The following MDFI variants were observed in gnomAD, a reference collection of about 807,000 sequenced individuals.
MDFI encodes inhibitor of MyoD family a.
A neutral mutation model predicts 22.3 loss-of-function variants in MDFI; 16 were observed. That is an observed-to-expected ratio of 0.72 (90% CI 0.49 to 1.09). MDFI has a LOEUF of 1.09. Ranked by LOEUF, MDFI falls within the 50% of genes least tolerant of loss-of-function variation. The pLI, the probability that MDFI is intolerant of heterozygous loss-of-function variation, is 0.00. For synonymous variants in MDFI, 145 were observed against 142.7 expected (o/e 1.02, Z -0.12); for missense variants, 314 against 326.1 (o/e 0.96, Z 0.29).
Position 41,652,040 on chromosome 6 carries a change from G to T in MDFI, c.485-1279G>T, listed in dbSNP as rs548707486. 3.9e-5 allele frequency among the ~76,000 whole-genome samples: 6 copies of T among 152,378 alleles called. 1 individual carries two copies. Among genetic ancestry groups the T allele is most frequent in the African/African-American group, 1.2e-4 (5 of 41,588 alleles). The stretch of plus-strand genomic sequence containing the variant: ...ATGACAATGAATATGAGGAAACCGT[G>T]TAGTACAGTGGGAGGCGATGTCCTC... On this transcript the variant is annotated intron_variant, in intron 4 of 4. Transcript: ENST00000230321.
At position 41,638,941 on chromosome 6, in the gene MDFI, T is replaced by C. The variant is rs1436630996; in HGVS notation, c.76+116T>C. On this transcript the variant is annotated intron_variant, in intron 2 of 4. Transcript: ENST00000230321. The surrounding 1 kb of genome is among the most constrained non-coding windows in gnomAD (Gnocchi z 7.6). ...GGGGAGACCGTTCCAGGGAGCTTGG[T>C]GGGGGTAGGGACGAAAAGTCTGGGT... 2 of 1,182,708 alleles carry C rather than the reference T, an allele frequency of 1.7e-6. No individual in the cohort carries two copies. Among genetic ancestry groups the C allele is most frequent in the African/African-American group, 1.6e-5 (1 of 63,512 alleles). 73.3% of individuals were successfully genotyped at this position (1,182,708 alleles called of 1,614,324 possible).
At position 41,653,944 on chromosome 6, in the gene MDFI, G is replaced by A. The variant is rs1011483087; in HGVS notation, c.*369G>A. 5 of 305,804 alleles carry A rather than the reference G, an allele frequency of 1.6e-5. No homozygotes were observed. Among genetic ancestry groups the A allele is most frequent in the African/African-American group, 4.2e-5 (2 of 47,306 alleles). The allele number at this position is 305,804 out of a possible 1,614,324, so 18.9% of individuals were successfully genotyped here. A position where few individuals can be genotyped will look rare whatever the true frequency, so the allele number is the denominator to read the frequency against. On this transcript the variant is annotated 3_prime_UTR_variant, in exon 5 of 5. Transcript: ENST00000230321. This position sits in a 1 kb window ranked among gnomAD's most constrained non-coding sequence, Gnocchi z 4.2. ...TTACTTGGGGAGGGTGGGCCGGTGG[G>A]GCCGTAGCTCTCTACCTCTCCCTGC... is the stretch of plus-strand genomic sequence containing the variant.
intron 2 of MDFI, among the ~76,000 whole-genome samples, chr6:41,643,299 A>G (rs1767916616): frequency 6.6e-6 from 1 of 151,678 alleles, no homozygotes. Context: ...TGCTTGACAC[A>G]CTCAGCCATC....
chr6:41,646,413 C>A (rs1170244816), intron 3 of MDFI, 105 bp downstream of exon 3: 6 of 1,036,472 alleles, frequency 5.8e-6, no homozygotes, highest in Non-Finnish European at 7.7e-6. Flanking sequence ...TTGGCCAGAA[C>A]CTTGAGTGTG....
chr6:41,639,762 C>T (rs1767780010), intron 2 of MDFI: 1 of 985,452 alleles, frequency 1.0e-6, no homozygotes, highest in Non-Finnish European at 1.2e-6. Flanking sequence ...CCCTCTTTGA[C>T]TCTGAATAAT....
At chr6:41,652,669 A>G (rs1768318264) in intron 4 of MDFI, among the ~76,000 whole-genome samples, 1 of 134,494 alleles carries the variant, frequency 7.4e-6, no homozygotes, top group African/African-American at 2.8e-5. Context: ...GCTGGAGTGC[A>G]ATGGTGTGAT....
Position 41,649,767 on chromosome 6 carries a change from C to G in MDFI, c.408C>G (p.Leu136=), listed in dbSNP as rs200022329. 13 of 1,613,998 alleles carry G rather than the reference C, an allele frequency of 8.1e-6. No individual in the cohort carries two copies. The highest frequency in any genetic ancestry group is 1.6e-4 in the Middle Eastern group (1 of 6,084). The part of the protein sequence containing the change: ...AHRKLQTHPS[L]ASQGSKKSKS... ...GGAAGTTGCAGACACACCCATCTCT[C>G]GCCAGCCAGGGCAGCAAGAAGAGTA... Residue 136 remains leucine (L), a synonymous_variant, in exon 4 of 5, where the codon CTC becomes CTG. Coordinates refer to ENST00000230321, the MANE Select transcript of MDFI (RefSeq NM_005586.4).
chr6:41,643,550 G>A (rs1433063981), intron 2 of MDFI, among the ~76,000 whole-genome samples: 1 of 78,832 alleles, frequency 1.3e-5, no homozygotes, highest in African/African-American at 5.5e-5. Flanking sequence ...GGGAAGGAGG[G>A]AAGGAAGGAA....
At position 41,649,647 on chromosome 6, in the gene MDFI, C is replaced by T. The variant is rs1768184545; in HGVS notation, c.288C>T (p.Cys96=). Residue 96 remains cysteine (C), a synonymous_variant, in exon 4 of 5, where the codon TGC becomes TGT. Transcript: ENST00000230321. ...TCQPQGNPLG[C]TPLLPNDSGH... is the part of the protein sequence containing the mutation. ...AGCCTCAGGGGAACCCCTTGGGCTG[C>T]ACCCCACTTCTGCCGAATGACTCTG... 6.2e-7 allele frequency: 1 copy of T among 1,610,866 alleles called. No individual in the cohort carries two copies. The highest frequency in any genetic ancestry group is 8.5e-7 in the Non-Finnish European group (1 of 1,178,060).
rs576526902 is a variant in MDFI at position 41,640,811 on chromosome 6, G to T, written c.76+1986G>T. 2.6e-5 allele frequency among the ~76,000 whole-genome samples: 4 copies of T among 152,282 alleles called. No homozygotes were observed. The South Asian group carries it at 6.2e-4, about 24-fold the overall frequency. ...AGCCCCCACACCCTTGGCTCTCCTA[G>T]TGGCCTCCTCCCCACCCACCCCTGA... On this transcript the variant is annotated intron_variant, in intron 2 of 4. Transcript: ENST00000230321.
At chr6:41,642,919 G>A (rs1020963288) in intron 2 of MDFI, among the ~76,000 whole-genome samples, 2 of 152,154 alleles carry the variant, frequency 1.3e-5, no homozygotes, top group East Asian at 3.9e-4. Flanking sequence ...GGGTAAGGCA[G>A]GTGGAGATGT....
rs1237214200 is a variant in MDFI, at chr6:41,653,180, T to A, written c.485-139T>A. On this transcript the variant is annotated intron_variant, in intron 4 of 4. Coordinates refer to ENST00000230321, the MANE Select transcript of MDFI (RefSeq NM_005586.4). The surrounding 1 kb of genome is among the most constrained non-coding windows in gnomAD (Gnocchi z 4.2). Reference sequence around the variant, plus strand: ...TAGAAAATGGAGCTGTGGGGACGGATTCGTGAGCTTCAGGCACACAGTGAA... The same window carrying A: ...TAGAAAATGGAGCTGTGGGGACGGAATCGTGAGCTTCAGGCACACAGTGAA... The A allele has an allele frequency of 7.1e-6, 6 of 850,520 alleles. No individual in the cohort carries two copies. The highest frequency in any genetic ancestry group is 1.1e-5 in the Non-Finnish European group (6 of 534,488). 52.7% of individuals were successfully genotyped at this position (850,520 alleles called of 1,614,324 possible). A position where few individuals can be genotyped will look rare whatever the true frequency, so the allele number is the denominator to read the frequency against.
chr6:41,652,885 TGGGATTACA>T (rs1286371441), intron 4 of MDFI, among the ~76,000 whole-genome samples: 2 of 152,152 alleles, frequency 1.3e-5, no homozygotes, highest in Admixed American at 1.3e-4. Flanking sequence ...CCCAAAGAGC[TGGGATTACA>T]GGCATGAGCC....
rs567631821 is a variant in MDFI at position 41,639,452 on chromosome 6, G to T, written c.76+627G>T. 179 of 985,440 alleles carry T rather than the reference G, an allele frequency of 1.8e-4. No homozygotes were observed. In the African/African-American group the frequency reaches 3.1e-3, roughly 17 times the overall value. 61.0% of individuals were successfully genotyped at this position (985,440 alleles called of 1,614,324 possible). The stretch of plus-strand genomic sequence containing the variant: ...AATGCCCCGTCCCGCGCCTGGCGCC[G>T]TCTGTAACCTACCCGCGATTCCTGG... On this transcript the variant is annotated intron_variant, in intron 2 of 4. Transcript: ENST00000230321.
At chr6:41,645,646 G>A (rs73735909) in intron 2 of MDFI, among the ~76,000 whole-genome samples, 2,670 of 152,066 alleles carry the variant, frequency 0.018, 78 homozygotes, top group African/African-American at 0.06. Flanking sequence ...TCTCACTCCC[G>A]TCTCAGGCTG....
chr6:41,646,044 C>G, intron 2 of MDFI, 82 bp from the exon 3 acceptor site: 1 of 1,264,684 alleles, frequency 7.9e-7, no homozygotes, highest in East Asian at 2.8e-5. Context: ...AGTGGGCATG[C>G]TGGGCTGTGG....
rs1289270322 is a variant in MDFI, at chr6:41,653,909, A to C, written c.*334A>C. On this transcript the variant is annotated 3_prime_UTR_variant, in exon 5 of 5. Coordinates refer to ENST00000230321, the MANE Select transcript of MDFI (RefSeq NM_005586.4). This position sits in a 1 kb window ranked among gnomAD's most constrained non-coding sequence, Gnocchi z 4.2. The stretch of plus-strand genomic sequence containing the variant: ...CAGGGGGCAGCCAGGGCTGGGGAAC[A>C]CTGTGAAAGTTACTTGGGGAGGGTG... 5.5e-6 allele frequency: 2 copies of C among 360,748 alleles called. No homozygotes were observed. Among genetic ancestry groups the C allele is most frequent in the Non-Finnish European group, 1.0e-5 (2 of 194,946 alleles). 22.3% of individuals were successfully genotyped at this position (360,748 alleles called of 1,614,324 possible). A position where few individuals can be genotyped will look rare whatever the true frequency, so the allele number is the denominator to read the frequency against.
In MDFI at chr6:41,647,825, G is replaced by A. The variant is rs566566737; in HGVS notation, c.259+1517G>A. Reference sequence around the variant, plus strand: ...TGGGAGGCTGAGGCGGGCGGATCACGAGGTCAGGAGATCGAGACCATCCTG... The same window carrying A: ...TGGGAGGCTGAGGCGGGCGGATCACAAGGTCAGGAGATCGAGACCATCCTG... On this transcript the variant is annotated intron_variant, in intron 3 of 4. Transcript: ENST00000230321. 6.6e-5 allele frequency among the ~76,000 whole-genome samples: 10 copies of A among 152,060 alleles called. No homozygotes were observed. The East Asian group carries it at 1.4e-3, about 21-fold the overall frequency.
chr6:41,638,867 G>T lies in MDFI; in HGVS notation c.76+42G>T. 6.6e-7 allele frequency: 1 copy of T among 1,520,200 alleles called. No homozygotes were observed. The highest frequency in any genetic ancestry group is 8.8e-7 in the Non-Finnish European group (1 of 1,137,626). The allele number at this position is 1,520,200 out of a possible 1,614,324, so 94.2% of individuals were successfully genotyped here. A position where few individuals can be genotyped will look rare whatever the true frequency, so the allele number is the denominator to read the frequency against. On this transcript the variant is annotated intron_variant, in intron 2 of 4. Transcript: ENST00000230321. The surrounding 1 kb of genome is among the most constrained non-coding windows in gnomAD (Gnocchi z 7.6). The stretch of plus-strand genomic sequence containing the variant: ...CGAGCGAAGCTGGACAGGGGCGGGT[G>T]GGCGGCTGAAGGGGCCAGTTATTAG...
Sources: allele counts gnomAD v4.1 joint callset (sites outside exome capture counted in the v4.1 genomes callset), GRCh38; gene constraint gnomAD v4.1.1; non-coding constraint Gnocchi (gnomAD v3.1); transcripts MANE v1.5; gene names NCBI Gene and HGNC (gene_info 2026-07-23, HGNC 2026-07-21).